LRRC18: variants seen among roughly 807,000 people sequenced by gnomAD.
LRRC18 encodes leucine-rich repeat-containing protein 18.
Under a neutral mutation model 11.2 loss-of-function variants are expected in LRRC18, and 12 were observed. The ratio of observed to expected loss-of-function variants is 1.07; its 90% confidence interval spans 0.69 to 1.74. The LOEUF is 1.74. LRRC18 is among the 40% of genes most tolerant of loss of function. The probability of loss-of-function intolerance (pLI) is 0.00; values close to 1 mark genes in which losing one functional copy is unlikely to be tolerated. For synonymous variants in LRRC18, 155 were observed against 130.6 expected, an observed-to-expected ratio of 1.19 and a Z score of -1.27; for missense variants, 374 against 330.5, an observed-to-expected ratio of 1.13 and a Z score of -1.02.
the LRRC18 span, among the ~76,000 whole-genome samples, chr10:48,921,546 G>T: frequency 1.3e-5 from 2 of 151,950 alleles, no homozygotes; most frequent in African/African-American, 4.8e-5. Context: ...TTTGAATCAG[G>T]CAAAAGCACA....
chr10:48,930,783 A>G, the LRRC18 span, among the ~76,000 whole-genome samples: 2 of 150,568 alleles, frequency 1.3e-5, no homozygotes, highest in Admixed American at 1.3e-4. Context: ...ATAAACAGAA[A>G]CTAAAACAAA....
chr10:48,915,028 G>C (rs1454177081), upstream of LRRC18, among the ~76,000 whole-genome samples: 1 of 152,216 alleles, frequency 6.6e-6, no homozygotes, highest in Non-Finnish European at 1.5e-5. Context: ...AATGTGATGT[G>C]ATGGGGATTC....
At chr10:48,931,985 G>C in the LRRC18 span, among the ~76,000 whole-genome samples, 1 of 152,240 alleles carries the variant, frequency 6.6e-6, no homozygotes, top group Non-Finnish European at 1.5e-5. Flanking sequence ...GCCTGAAAAG[G>C]CCGGTGGGTA....
At chr10:48,926,536 C>G in the LRRC18 span, among the ~76,000 whole-genome samples, 4 of 152,152 alleles carry the variant, frequency 2.6e-5, no homozygotes, top group Admixed American at 2.6e-4. Flanking sequence ...TGCAGATGTT[C>G]CACTGACCTT....
chr10:48,920,302 T>G, the LRRC18 span, among the ~76,000 whole-genome samples: 2 of 128,312 alleles, frequency 1.6e-5, no homozygotes, highest in African/African-American at 6.2e-5. Flanking sequence ...CACTCATAGG[T>G]GGGAATTGAA....
chr10:48,919,435 T>C, the LRRC18 span, among the ~76,000 whole-genome samples: 4 of 152,254 alleles, frequency 2.6e-5, no homozygotes, highest in South Asian at 2.1e-4. Flanking sequence ...AGTAGTCTTA[T>C]TGTTAAATTC....
At chr10:48,921,931 T>C in the LRRC18 span, among the ~76,000 whole-genome samples, 1 of 152,194 alleles carries the variant, frequency 6.6e-6, no homozygotes, top group Non-Finnish European at 1.5e-5. Flanking sequence ...ATTAACCATA[T>C]AGTTATTATA....
the LRRC18 span, among the ~76,000 whole-genome samples, chr10:48,922,896 T>G: frequency 6.6e-6 from 1 of 152,184 alleles, no homozygotes; most frequent in Non-Finnish European, 1.5e-5. Flanking sequence ...GGGAAAGGCT[T>G]GACTAGAAGG....
At chr10:48,927,449 C>T in the LRRC18 span, among the ~76,000 whole-genome samples, 7 of 152,240 alleles carry the variant, frequency 4.6e-5, no homozygotes, top group South Asian at 8.3e-4. Flanking sequence ...CTGTGGGATG[C>T]GTTCTTCCCA....
At chr10:48,914,315 T>A, upstream of LRRC18, 1 of 778,556 alleles carries the variant, frequency 1.3e-6, no homozygotes, top group Non-Finnish European at 2.0e-6. Context: ...TGCTCTTCAG[T>A]GGTTTAAAAA....
the LRRC18 span, among the ~76,000 whole-genome samples, chr10:48,932,220 AGTG>A: frequency 7.9e-5 from 12 of 152,342 alleles, no homozygotes; most frequent in East Asian, 1.9e-3. Flanking sequence ...TTCTACCACC[AGTG>A]GCGGGTGCTG....
At chr10:48,923,496 G>GTATTTATATATATATATATATA in the LRRC18 span, among the ~76,000 whole-genome samples, 2 of 63,214 alleles carry the variant, frequency 3.2e-5, no homozygotes, top group Non-Finnish European at 8.5e-5. Context: ...ATAGTTTTTA[G>GTATTTATATATATATATATATA]TATATATATA....
the LRRC18 span, among the ~76,000 whole-genome samples, chr10:48,920,371 TG>T: frequency 6.8e-5 from 5 of 73,610 alleles, no homozygotes; most frequent in Non-Finnish European, 1.1e-4. Flanking sequence ...TGTTGTGGGG[TG>T]GGGGGAAGGG....
chr10:48,923,498 A>G, the LRRC18 span, among the ~76,000 whole-genome samples: 2 of 97,208 alleles, frequency 2.1e-5, no homozygotes, highest in South Asian at 4.2e-4. Flanking sequence ...AGTTTTTAGT[A>G]TATATATATA....
chr10:48,911,231 A>T (rs1837973072), intron 1 of LRRC18, among the ~76,000 whole-genome samples: 1 of 152,170 alleles, frequency 6.6e-6, no homozygotes, highest in Non-Finnish European at 1.5e-5. Flanking sequence ...GGTTCTCATG[A>T]GTCATTTCAG....
chr10:48,928,352 A>ATGTG, the LRRC18 span, among the ~76,000 whole-genome samples: 1 of 59,634 alleles, frequency 1.7e-5, no homozygotes, highest in African/African-American at 4.5e-5. Flanking sequence ...TTTGGTTTTG[A>ATGTG]CGTGTGTGTG....
At chr10:48,913,550 C>G in exon 1 of LRRC18, 3 of 1,614,156 alleles carry the variant, frequency 1.9e-6, no homozygotes, top group Non-Finnish European at 2.5e-6. Context: ...GATCCTTCTC[C>G]TCCACAACAT....
upstream of LRRC18, chr10:48,914,339 T>C (rs184740292): frequency 1.0e-4 from 68 of 665,852 alleles, no homozygotes; most frequent in African/African-American, 8.3e-4. Flanking sequence ...AGAAAGAGGA[T>C]TGCGGAGAGA....
At chr10:48,932,422 T>C in the LRRC18 span, 2 of 152,202 alleles carry the variant, frequency 1.3e-5, no homozygotes, top group African/African-American at 4.8e-5. Context: ...CTAACATTAC[T>C]AGTGATTGCA....
Sources: allele counts gnomAD v4.1 joint callset (sites outside exome capture counted in the v4.1 genomes callset), GRCh38; gene constraint gnomAD v4.1.1; transcripts MANE v1.5; gene names NCBI Gene and HGNC (gene_info 2026-07-23, HGNC 2026-07-21).